The following EML6 variants were observed in gnomAD, a reference collection of about 807,000 sequenced individuals.
EML6 encodes echinoderm microtubule-associated protein-like 6.
Under a neutral mutation model 240.1 loss-of-function variants are expected in EML6, and 154 were observed. The observed-to-expected ratio is 0.64, with a 90% CI of 0.56 to 0.73. The LOEUF is 0.73. EML6 is among the 30% of genes least tolerant of loss of function. The pLI is 0.00. For synonymous variants in EML6, 1,148 were observed against 899.0 expected (o/e 1.28, Z -4.95); for missense variants, 2,964 against 2,474.6 (o/e 1.20, Z -4.20).
At chr2:54,730,775 T>C (rs1470704247) in intron 2 of EML6, among the ~76,000 whole-genome samples, 1 of 152,240 alleles carries the variant, frequency 6.6e-6, no homozygotes, top group Non-Finnish European at 1.5e-5. Context: ...ATTTGTTTAT[T>C]CTCTAAGTTG....
chr2:54,855,088 A>G lies in EML6; in HGVS notation c.1657+1233A>G, dbSNP rs193076948. 5.8e-3 allele frequency among the ~76,000 whole-genome samples: 880 copies of G among 152,354 alleles called. 3 individuals are homozygous for G. The highest frequency in any genetic ancestry group is 0.014 in the Middle Eastern group (4 of 294). On this transcript the variant is annotated intron_variant, in intron 11 of 41. Transcript: ENST00000356458. Reference sequence around the variant, plus strand: ...AAAATAGCAATGGAAATGTGGATCTATTAGAAAAGAAAGCATGTGTTAGTC... The same window carrying G: ...AAAATAGCAATGGAAATGTGGATCTGTTAGAAAAGAAAGCATGTGTTAGTC...
At chr2:54,781,511 A>C (rs1418287605) in intron 2 of EML6, among the ~76,000 whole-genome samples, 2 of 152,204 alleles carry the variant, frequency 1.3e-5, no homozygotes, top group Non-Finnish European at 2.9e-5. Flanking sequence ...CACCTGAGTG[A>C]AAATTTTGAA....
At chr2:54,782,590 T>G (rs1035739890) in intron 2 of EML6, among the ~76,000 whole-genome samples, 5 of 152,220 alleles carry the variant, frequency 3.3e-5, no homozygotes, top group African/African-American at 1.2e-4. Context: ...GACTTCTCAG[T>G]TTTTTGTAAC....
At chr2:54,878,239 T>G (rs978217909) in intron 16 of EML6, among the ~76,000 whole-genome samples, 1 of 152,232 alleles carries the variant, frequency 6.6e-6, no homozygotes, top group Non-Finnish European at 1.5e-5. Flanking sequence ...AGGTCTGCCT[T>G]TGAAAATACC....
chr2:54,954,419 T>G (rs908604890), intron 32 of EML6, among the ~76,000 whole-genome samples: 2 of 152,168 alleles, frequency 1.3e-5, no homozygotes, highest in African/African-American at 4.8e-5. Flanking sequence ...TCCCCGATGT[T>G]GGCAGCCCTC....
intron 17 of EML6, 113 bp from the exon 18 acceptor site, chr2:54,890,941 T>A (rs6729866): frequency 3.5e-5 from 17 of 480,198 alleles, no homozygotes; most frequent in Non-Finnish European, 6.2e-5. Flanking sequence ...AACCATTTTC[T>A]AATTTAATGG....
At chr2:54,788,397 G>A in intron 2 of EML6, among the ~76,000 whole-genome samples, 1 of 152,206 alleles carries the variant, frequency 6.6e-6, no homozygotes, top group East Asian at 1.9e-4. Flanking sequence ...ATCTACAAGG[G>A]TGGCTGCCAC....
intron 28 of EML6, among the ~76,000 whole-genome samples, chr2:54,933,935 C>T (rs1452843903): frequency 6.6e-6 from 1 of 152,036 alleles, no homozygotes; most frequent in Non-Finnish European, 1.5e-5. Context: ...TATTAACCAC[C>T]CTAACTTGCC....
chr2:54,951,725 T>G (rs1323419829), intron 30 of EML6, among the ~76,000 whole-genome samples: 1 of 152,146 alleles, frequency 6.6e-6, no homozygotes, highest in African/African-American at 2.4e-5. Flanking sequence ...ACACCTTTCA[T>G]TTTAAATTTT....
intron 26 of EML6, among the ~76,000 whole-genome samples, chr2:54,919,580 C>G (rs1002520042): frequency 6.6e-6 from 1 of 152,202 alleles, no homozygotes. Flanking sequence ...ACCAGCCCTT[C>G]CTATTTGATC....
intron 10 of EML6, among the ~76,000 whole-genome samples, chr2:54,852,454 G>T (rs1670143258): frequency 6.6e-6 from 1 of 152,102 alleles, no homozygotes; most frequent in Non-Finnish European, 1.5e-5. Context: ...ATCCTGTTCA[G>T]GGGTGGCATC....
At chr2:54,789,368 G>T in intron 2 of EML6, among the ~76,000 whole-genome samples, 1 of 151,320 alleles carries the variant, frequency 6.6e-6, no homozygotes. Context: ...AAAAAAATTA[G>T]CCGGGCGTGA....
At chr2:54,933,229 T>C (rs565400449) in intron 28 of EML6, among the ~76,000 whole-genome samples, 36 of 152,268 alleles carry the variant, frequency 2.4e-4, no homozygotes, top group African/African-American at 8.7e-4. Flanking sequence ...GGACTACCCT[T>C]GAACCAATCA....
intron 2 of EML6, among the ~76,000 whole-genome samples, chr2:54,776,618 G>A (rs1668613484): frequency 6.6e-6 from 1 of 151,694 alleles, no homozygotes; most frequent in Admixed American, 6.6e-5. Flanking sequence ...TTTGATGAGG[G>A]GATCATTAGA....
chr2:54,760,114 G>A (rs79585151), intron 2 of EML6, among the ~76,000 whole-genome samples: 1 of 150,822 alleles, frequency 6.6e-6, no homozygotes, highest in African/African-American at 2.4e-5. Flanking sequence ...AATTGATCTT[G>A]GTCTTAGATT....
intron 2 of EML6, among the ~76,000 whole-genome samples, chr2:54,763,878 G>C (rs1281523004): frequency 6.6e-6 from 1 of 152,174 alleles, no homozygotes; most frequent in Non-Finnish European, 1.5e-5. Context: ...TTCTCTGCCA[G>C]AGCGAGGCTG....
chr2:54,888,905 A>G (rs1395038216), intron 17 of EML6, among the ~76,000 whole-genome samples: 1 of 152,204 alleles, frequency 6.6e-6, no homozygotes, highest in Non-Finnish European at 1.5e-5. Flanking sequence ...GTCGTATGGT[A>G]AGAATATGCT....
chr2:54,842,641 T>C (rs1225926187), intron 7 of EML6, among the ~76,000 whole-genome samples: 1 of 152,192 alleles, frequency 6.6e-6, no homozygotes, highest in Non-Finnish European at 1.5e-5. Context: ...TGTTTTAAAG[T>C]ATTTAGGAAA....
intron 17 of EML6, among the ~76,000 whole-genome samples, chr2:54,888,859 G>C (rs1034588713): frequency 2.6e-5 from 4 of 152,136 alleles, no homozygotes; most frequent in Admixed American, 2.6e-4. Flanking sequence ...TAAGTTTTCA[G>C]CTTATTTAGG....
Sources: gnomAD v4.1 joint callset for allele counts (sites outside exome capture counted in the v4.1 genomes callset) on GRCh38, gnomAD v4.1.1 for gene constraint, MANE v1.5 for transcripts, NCBI Gene and HGNC (gene_info 2026-07-23, HGNC 2026-07-21) for gene names.